Variants in FRMD4A observed in about 807,000 individuals in gnomAD.
FRMD4A encodes the protein FERM domain containing 4A, also known as FERM domain-containing protein 4A.
FRMD4A carries 29 observed loss-of-function variants against 129.1 expected under a neutral mutation model. The ratio of observed to expected loss-of-function variants is 0.22; its 90% confidence interval spans 0.17 to 0.31. FRMD4A has a LOEUF of 0.31. FRMD4A is among the 10% of genes least tolerant of loss of function. The probability of loss-of-function intolerance (pLI) is 1.00; values close to 1 mark genes in which losing one functional copy is unlikely to be tolerated. For missense variants in FRMD4A, 1,272 were observed against 1,375.8 expected (o/e 0.92, Z 1.19); for synonymous variants, 634 against 571.6 (o/e 1.11, Z -1.56).
intron 2 of FRMD4A, among the ~76,000 whole-genome samples, chr10:14,261,917 G>A (rs1415417296): frequency 1.4e-5 from 2 of 147,942 alleles, no homozygotes; most frequent in Non-Finnish European, 3.0e-5. Context: ...TTATTTCAAT[G>A]TGACTCCATT....
chr10:13,890,852 G>C, intron 2 of FRMD4A: 1 of 985,240 alleles, frequency 1.0e-6, no homozygotes, highest in Non-Finnish European at 1.2e-6. Context: ...CGTCGCCAGA[G>C]CTATTATTAG....
At chr10:14,191,726 A>T (rs1483735958) in intron 2 of FRMD4A, among the ~76,000 whole-genome samples, 1 of 152,054 alleles carries the variant, frequency 6.6e-6, no homozygotes, top group Non-Finnish European at 1.5e-5. Context: ...CACATTGATG[A>T]ATATTTCCAG....
chr10:14,116,224 G>A (rs544414546), intron 2 of FRMD4A, among the ~76,000 whole-genome samples: 3 of 152,276 alleles, frequency 2.0e-5, no homozygotes, highest in South Asian at 2.1e-4. Flanking sequence ...AACCAGACCC[G>A]AAAGAAACAC....
intron 2 of FRMD4A, among the ~76,000 whole-genome samples, chr10:14,242,207 A>G (rs552756850): frequency 6.6e-6 from 1 of 152,312 alleles, no homozygotes; most frequent in Admixed American, 6.5e-5. Context: ...TTGGATATTT[A>G]TTACCATCAG....
intron 2 of FRMD4A, among the ~76,000 whole-genome samples, chr10:13,885,433 G>T (rs926085000): frequency 1.3e-5 from 2 of 152,128 alleles, no homozygotes; most frequent in African/African-American, 4.8e-5. Flanking sequence ...GCCATGCCAG[G>T]TTGCACCACA....
intron 5 of FRMD4A, among the ~76,000 whole-genome samples, chr10:13,795,305 C>A (rs2093090718): frequency 6.6e-6 from 1 of 152,216 alleles, no homozygotes; most frequent in East Asian, 1.9e-4. Context: ...TTGAAATCAT[C>A]CCCATCAGTA....
intron 2 of FRMD4A, among the ~76,000 whole-genome samples, chr10:13,893,559 G>C (rs1441209615): frequency 1.3e-5 from 2 of 152,000 alleles, no homozygotes; most frequent in African/African-American, 4.8e-5. Context: ...GTCTGTCTCT[G>C]TTACTCAGGC....
chr10:14,122,032 A>G (rs910953168), intron 2 of FRMD4A, among the ~76,000 whole-genome samples: 2 of 152,202 alleles, frequency 1.3e-5, no homozygotes, highest in African/African-American at 4.8e-5. Flanking sequence ...ACACTATTAG[A>G]AAGTGCACCT....
intron 2 of FRMD4A, among the ~76,000 whole-genome samples, chr10:14,100,090 G>A (rs1377189416): frequency 6.6e-6 from 1 of 152,210 alleles, no homozygotes; most frequent in Admixed American, 6.5e-5. Context: ...TTGTTTTGCA[G>A]TCAGCTCAGC....
At chr10:13,665,099 C>T (rs1444276637) in intron 18 of FRMD4A, among the ~76,000 whole-genome samples, 1 of 151,998 alleles carries the variant, frequency 6.6e-6, no homozygotes, top group African/African-American at 2.4e-5. Flanking sequence ...CTTGAACTCC[C>T]GACCTCAGGT....
chr10:14,169,091 C>T (rs893344058), intron 2 of FRMD4A, among the ~76,000 whole-genome samples: 5 of 140,844 alleles, frequency 3.6e-5, no homozygotes, highest in Non-Finnish European at 4.6e-5. Flanking sequence ...AAACCTATTT[C>T]TGGTTTTATT....
chr10:14,298,172 T>A (rs1846069442), intron 2 of FRMD4A, among the ~76,000 whole-genome samples: 1 of 152,154 alleles, frequency 6.6e-6, no homozygotes, highest in South Asian at 2.1e-4. Flanking sequence ...ATATTTACTA[T>A]CTGGCCCTTT....
At chr10:14,039,404 A>G (rs1479495612) in intron 2 of FRMD4A, among the ~76,000 whole-genome samples, 4 of 144,452 alleles carry the variant, frequency 2.8e-5, no homozygotes, top group South Asian at 2.1e-4. Context: ...CCATCCATCC[A>G]TCCATCTATC....
chr10:14,209,341 G>C (rs954008405), intron 2 of FRMD4A, among the ~76,000 whole-genome samples: 10 of 152,140 alleles, frequency 6.6e-5, no homozygotes, highest in Non-Finnish European at 1.3e-4. Context: ...CCTGGTTCTT[G>C]TGAAAGTGCT....
chr10:13,790,937 A>G (rs2092986934), intron 5 of FRMD4A, among the ~76,000 whole-genome samples: 1 of 151,924 alleles, frequency 6.6e-6, no homozygotes, highest in African/African-American at 2.4e-5. Context: ...AGAAAAAGAG[A>G]GGAAAGGCTC....
chr10:14,288,574 A>C (rs1845755314), intron 2 of FRMD4A, among the ~76,000 whole-genome samples: 1 of 152,180 alleles, frequency 6.6e-6, no homozygotes, highest in Admixed American at 6.5e-5. Context: ...CAACCTTTTT[A>C]AAAAATATTA....
intron 2 of FRMD4A, among the ~76,000 whole-genome samples, chr10:14,009,257 A>T (rs1160166053): frequency 6.6e-6 from 1 of 152,198 alleles, no homozygotes; most frequent in Non-Finnish European, 1.5e-5. Context: ...ATAGCAGAAA[A>T]AATTACTACA....
intron 2 of FRMD4A, chr10:13,972,197 C>G (rs915829328): frequency 8.8e-6 from 9 of 1,017,336 alleles, no homozygotes; most frequent in Non-Finnish European, 9.4e-6. Context: ...GAAGCACCAC[C>G]GAGTGTTGGG....
At chr10:14,184,298 A>ATTTTTTTTCTTTTTTTTTT (rs1842007409) in intron 2 of FRMD4A, among the ~76,000 whole-genome samples, 1 of 104,908 alleles carries the variant, frequency 9.5e-6, no homozygotes, top group Non-Finnish European at 2.0e-5. Context: ...CAACCGGTTA[A>ATTTTTTTTCTTTTTTTTTT]TTTTTTTTTT....
Sources: gnomAD v4.1 joint callset for allele counts (sites outside exome capture counted in the v4.1 genomes callset) on GRCh38, gnomAD v4.1.1 for gene constraint, MANE v1.5 for transcripts, NCBI Gene and HGNC (gene_info 2026-07-23, HGNC 2026-07-21) for gene names.